Variants in UXS1 observed in about 807,000 individuals in gnomAD.
UXS1 encodes the protein UDP-glucuronic acid decarboxylase 1.
Under a neutral mutation model 62.6 loss-of-function variants are expected in UXS1, and 33 were observed. The observed-to-expected ratio is 0.53, with a 90% CI of 0.40 to 0.70. The LOEUF is 0.70. Among genes scored for constraint, UXS1 ranks in the 30% least tolerant of loss-of-function variants. UXS1 has a pLI of 0.00. For missense variants in UXS1, 434 were observed against 556.3 expected, an observed-to-expected ratio of 0.78 and a Z score of 2.21; for synonymous variants, 213 against 206.8, an observed-to-expected ratio of 1.03 and a Z score of -0.26.
rs761499527 is a variant in UXS1, at chr2:106,101,133, G to T, written c.924-15C>A. ...TCACTAGATCGCTGGAAAAAAAGGG[G>T]AGGCAGGTGAGGCTCTGCCTGCTGG... On this transcript the variant is annotated splice_polypyrimidine_tract_variant and intron_variant, in intron 11 of 14. Coordinates refer to ENST00000283148, the MANE Select transcript of UXS1 (RefSeq NM_001253875.2). 1.9e-6 allele frequency: 3 copies of T among 1,613,722 alleles called. No homozygotes were observed. The highest frequency in any genetic ancestry group is 1.7e-4 in the Middle Eastern group (1 of 6,056).
intron 1 of UXS1, among the ~76,000 whole-genome samples, chr2:106,187,049 A>G (rs1684603194): frequency 6.6e-6 from 1 of 152,128 alleles, no homozygotes; most frequent in Non-Finnish European, 1.5e-5. Context: ...TTCAACAAAA[A>G]AAGTATATAT....
Position 106,125,600 on chromosome 2 carries a change from T to C in UXS1, c.637+20A>G. On this transcript the variant is annotated intron_variant, in intron 8 of 14. Coordinates refer to ENST00000283148, the MANE Select transcript of UXS1 (RefSeq NM_001253875.2). ...TCCAAGGGCTGGAGTGAACATCTCC[T>C]GAGAGAGCCTCCTACTCACCTCCAT... is the stretch of plus-strand genomic sequence containing the variant. 17 of 1,554,984 alleles carry C rather than the reference T, an allele frequency of 1.1e-5. No individual in the cohort carries two copies. Among genetic ancestry groups the C allele is most frequent in the Non-Finnish European group, 1.5e-5 (17 of 1,150,062 alleles).
intron 10 of UXS1, among the ~76,000 whole-genome samples, chr2:106,106,503 T>C (rs1678085872): frequency 6.6e-6 from 1 of 152,200 alleles, no homozygotes. Flanking sequence ...GTTCTATCTA[T>C]GTAGGTTCTG....
Position 106,163,688 on chromosome 2 carries a change from TTCTC to T in UXS1, c.205_208del (p.Glu69LysfsTer5). The T allele has an allele frequency of 2.0e-6, 3 of 1,473,320 alleles. No individual in the cohort carries two copies. Among genetic ancestry groups the T allele is most frequent in the Non-Finnish European group, 2.7e-6 (3 of 1,110,756 alleles). The allele number at this position is 1,473,320 out of a possible 1,614,324, so 91.3% of individuals were successfully genotyped here. A position where few individuals can be genotyped will look rare whatever the true frequency, so the allele number is the denominator to read the frequency against. The stretch of plus-strand genomic sequence containing the variant: ...ATACCTTTTTTCTAAATCTCTGATT[TTCTC>T]TCTTAGTGGTTCAACCATCTAGAAC... On this transcript the variant is annotated frameshift_variant, in exon 4 of 15. Transcript: ENST00000283148. LOFTEE classifies it high-confidence loss of function.
chr2:106,128,174 T>G (rs989719023), intron 7 of UXS1, among the ~76,000 whole-genome samples: 3 of 151,382 alleles, frequency 2.0e-5, no homozygotes, highest in Non-Finnish European at 4.4e-5. Flanking sequence ...ACAGAGAGAG[T>G]GTAGGAGGGG....
intron 9 of UXS1, among the ~76,000 whole-genome samples, chr2:106,113,569 G>A (rs1241734778): frequency 2.0e-5 from 3 of 152,232 alleles, no homozygotes; most frequent in Non-Finnish European, 4.4e-5. Context: ...CCTGCTCTAA[G>A]TGATCGTGTT....
At chr2:106,186,607 A>G (rs779203844) in intron 1 of UXS1, among the ~76,000 whole-genome samples, 5 of 152,190 alleles carry the variant, frequency 3.3e-5, no homozygotes, top group Non-Finnish European at 5.9e-5. Context: ...ATAAAACCAA[A>G]TGCAACATGT....
chr2:106,166,775 C>T (rs1386217274), intron 1 of UXS1, among the ~76,000 whole-genome samples: 11 of 151,002 alleles, frequency 7.3e-5, no homozygotes, highest in South Asian at 2.1e-4. Context: ...CTCTCGCCTC[C>T]GCCTCCTGAG....
chr2:106,168,841 G>A (rs534313325), intron 1 of UXS1, among the ~76,000 whole-genome samples: 63 of 152,214 alleles, frequency 4.1e-4, no homozygotes, highest in African/African-American at 4.8e-4. Context: ...AGTACCAGAC[G>A]AAAAAGTATA....
chr2:106,101,471 A>G (rs1677593583), intron 11 of UXS1: 2 of 197,434 alleles, frequency 1.0e-5, no homozygotes, highest in East Asian at 1.3e-4. Flanking sequence ...CACTCAAAAA[A>G]GATGGAGTTT....
chr2:106,097,386 C>T (rs191744654), intron 13 of UXS1: 99 of 357,304 alleles, frequency 2.8e-4, no homozygotes, highest in African/African-American at 1.8e-3. Flanking sequence ...TACACAGCCC[C>T]ACCAGTGACT....
At chr2:106,189,696 A>C (rs901640183) in intron 1 of UXS1, among the ~76,000 whole-genome samples, 2 of 152,238 alleles carry the variant, frequency 1.3e-5, no homozygotes, top group African/African-American at 4.8e-5. Flanking sequence ...AAGATGCTAC[A>C]ATCTTCAGAA....
intron 1 of UXS1, among the ~76,000 whole-genome samples, chr2:106,169,984 C>T (rs1320739498): frequency 6.6e-6 from 1 of 152,236 alleles, no homozygotes; most frequent in Non-Finnish European, 1.5e-5. Flanking sequence ...ACCAGATCCA[C>T]TTCTGTGTCT....
intron 4 of UXS1, among the ~76,000 whole-genome samples, chr2:106,160,868 A>G (rs1461702135): frequency 1.3e-5 from 2 of 152,252 alleles, no homozygotes; most frequent in Admixed American, 6.5e-5. Flanking sequence ...TTCTTCTTCA[A>G]TATGTAGCAG....
intron 10 of UXS1, among the ~76,000 whole-genome samples, chr2:106,105,307 T>C (rs1677965668): frequency 6.6e-6 from 1 of 152,176 alleles, no homozygotes; most frequent in Non-Finnish European, 1.5e-5. Context: ...CATCTCCTGG[T>C]ATTGTTACAG....
chr2:106,171,346 A>G (rs1683544795), intron 1 of UXS1, among the ~76,000 whole-genome samples: 1 of 152,242 alleles, frequency 6.6e-6, no homozygotes, highest in African/African-American at 2.4e-5. Context: ...GTCATCAGCT[A>G]TCATGAGATC....
Position 106,112,696 on chromosome 2 carries a change from G to C in UXS1, c.829C>G (p.Arg277Gly). 6.2e-7 allele frequency: 1 copy of C among 1,613,958 alleles called. No individual in the cohort carries two copies. Among genetic ancestry groups the C allele is most frequent in the Non-Finnish European group, 8.5e-7 (1 of 1,179,880 alleles). Residue 277 changes from arginine (R) to glycine (G), a missense_variant, in exon 10 of 15, where the codon CGA becomes GGA. Coordinates refer to ENST00000283148, the MANE Select transcript of UXS1 (RefSeq NM_001253875.2). The stretch of plus-strand genomic sequence containing the variant: ...TGCAGGATGAAGTTGCTGACTACTC[G>C]CCCATCGTTCATGTGCATGCGTGGC... ...FGPRMHMNDG[R>G]VVSNFILQAL...
intron 3 of UXS1, among the ~76,000 whole-genome samples, chr2:106,164,298 A>C (rs533745097): frequency 6.6e-6 from 1 of 152,268 alleles, no homozygotes; most frequent in Non-Finnish European, 1.5e-5. Flanking sequence ...ATGTATTTAA[A>C]TAGGAGGTGC....
chr2:106,145,229 A>G lies in UXS1; in HGVS notation c.433T>C (p.Leu145=). Residue 145 remains leucine, a synonymous_variant, in exon 6 of 15, where the codon TTG becomes CTG. Transcript: ENST00000283148. Reference sequence around the variant, plus strand: ...GGCTCCACCACGTCGTGGTTAATCAACTCGAAGTTCTCATGTCCGATCCAG... The same window carrying G: ...GGCTCCACCACGTCGTGGTTAATCAGCTCGAAGTTCTCATGTCCGATCCAG... The part of the protein sequence containing the change: ...EHWIGHENFE[L]INHDVVEPLY... 2 of 1,613,524 alleles carry G rather than the reference A, an allele frequency of 1.2e-6. No individual in the cohort carries two copies. Among genetic ancestry groups the G allele is most frequent in the Non-Finnish European group, 1.7e-6 (2 of 1,179,754 alleles).
Sources: gnomAD v4.1 joint callset for allele counts (sites outside exome capture counted in the v4.1 genomes callset) on GRCh38, gnomAD v4.1.1 for gene constraint, MANE v1.5 for transcripts, NCBI Gene and HGNC (gene_info 2026-07-23, HGNC 2026-07-21) for gene names.